LRRC59: variants seen among roughly 807,000 people sequenced by gnomAD.
LRRC59 encodes the protein leucine rich repeat containing 59, also known as leucine-rich repeat-containing protein 59.
A neutral mutation model predicts 33.5 loss-of-function variants in LRRC59; 18 were observed. The ratio of observed to expected loss-of-function variants is 0.54; its 90% CI spans 0.37 to 0.80. LRRC59 has a LOEUF of 0.80. LRRC59 is among the 30% of genes least tolerant of loss of function. The pLI is 0.00. For missense variants in LRRC59, 330 were observed against 391.9 expected (o/e 0.84, Z 1.33); for synonymous variants, 138 against 160.0 (o/e 0.86, Z 1.04).
intron 5 of LRRC59, among the ~76,000 whole-genome samples, chr17:50,386,752 G>A (rs1016285624): frequency 4.6e-5 from 7 of 152,208 alleles, no homozygotes; most frequent in Admixed American, 3.9e-4. Flanking sequence ...CCTGTAATCA[G>A]TACTGTACAC....
chr17:50,393,678 G>T (rs995569374), intron 2 of LRRC59, among the ~76,000 whole-genome samples: 3 of 152,192 alleles, frequency 2.0e-5, no homozygotes, highest in Non-Finnish European at 2.9e-5. Context: ...CTCAGCTAAT[G>T]AGGCACTATT....
chr17:50,390,505 T>A (rs951931797), intron 4 of LRRC59, among the ~76,000 whole-genome samples: 3 of 150,152 alleles, frequency 2.0e-5, no homozygotes, highest in Non-Finnish European at 4.4e-5. Context: ...AAAAAAAAAA[T>A]TAATTATCTG....
intron 4 of LRRC59, 99 bp from the exon 5 acceptor site, chr17:50,388,231 T>G: frequency 9.1e-7 from 1 of 1,103,168 alleles, no homozygotes; most frequent in South Asian, 1.3e-5. Flanking sequence ...ATTATCATGG[T>G]AGCAATGTAG....
chr17:50,392,332 A>C (rs1033417405), intron 4 of LRRC59, 66 bp downstream of exon 4: 3 of 1,353,186 alleles, frequency 2.2e-6, no homozygotes, highest in Non-Finnish European at 2.1e-6. Context: ...CTAGGAGGGA[A>C]AAACAGGAGG....
rs1038139514 is a variant in LRRC59 at position 50,387,107 on chromosome 17, G to GA, written c.502+952dup. Among the ~76,000 whole-genome samples, 14 of 145,212 alleles carry GA rather than the reference G, an allele frequency of 9.6e-5. No individual in the cohort carries two copies. In the Admixed American group the frequency reaches 9.8e-4, roughly 10 times the overall value. On this transcript the variant is annotated intron_variant, in intron 5 of 6. Transcript: ENST00000225972. ...CACTCCAGCCTGGGCAACAGAGCGAGACTCTGTCTCAAAAAATAATTAAAA... is the reference window on the plus strand; with the variant it reads ...CACTCCAGCCTGGGCAACAGAGCGAGAACTCTGTCTCAAAAAATAATTAAAA...
chr17:50,384,296 G>A (rs1002843180), intron 6 of LRRC59, among the ~76,000 whole-genome samples: 7 of 152,000 alleles, frequency 4.6e-5, no homozygotes, highest in African/African-American at 1.7e-4. Context: ...AAGTAGCTGG[G>A]ACCACAGGTG....
chr17:50,386,509 G>T (rs1332751201), intron 5 of LRRC59, among the ~76,000 whole-genome samples: 1 of 152,216 alleles, frequency 6.6e-6, no homozygotes, highest in African/African-American at 2.4e-5. Flanking sequence ...TAATGTAGCT[G>T]AATAGTACTA....
chr17:50,394,650 CAGT>C (rs1338310497), intron 2 of LRRC59, among the ~76,000 whole-genome samples: 1 of 152,138 alleles, frequency 6.6e-6, no homozygotes, highest in Non-Finnish European at 1.5e-5. Flanking sequence ...AAGATGAGCC[CAGT>C]AAGTTACTCA....
chr17:50,390,097 CA>C (rs57027679), intron 4 of LRRC59, among the ~76,000 whole-genome samples: 4,478 of 85,248 alleles, frequency 0.053, 217 homozygotes, highest in African/African-American at 0.18. Flanking sequence ...GACTCTGTCT[CA>C]AAAAAAAAAA....
chr17:50,388,375 C>A (rs1259069969), intron 4 of LRRC59, among the ~76,000 whole-genome samples: 1 of 152,134 alleles, frequency 6.6e-6, no homozygotes, highest in African/African-American at 2.4e-5. Context: ...CCTGTCTCTA[C>A]AGAAAAATGT....
intron 2 of LRRC59, 45 bp downstream of exon 2, chr17:50,394,884 G>T: frequency 3.2e-5 from 42 of 1,300,186 alleles, no homozygotes; most frequent in Non-Finnish European, 4.2e-5. Flanking sequence ...GGAAGGAGAT[G>T]CATCCAAGGC....
chr17:50,389,717 A>G (rs897253946), intron 4 of LRRC59, among the ~76,000 whole-genome samples: 3 of 152,184 alleles, frequency 2.0e-5, no homozygotes, highest in African/African-American at 7.2e-5. Context: ...ATTTCTAGAA[A>G]ACTCCAGACA....
chr17:50,397,076 G>T, intron 1 of LRRC59, 137 bp downstream of exon 1: 2 of 593,636 alleles, frequency 3.4e-6, no homozygotes, highest in Non-Finnish European at 2.8e-6. Context: ...GGCCTCCTAG[G>T]GGACTTAGTC....
intron 5 of LRRC59, 96 bp downstream of exon 5, chr17:50,387,954 AACTGTTCTTC>A: frequency 1.8e-6 from 2 of 1,091,858 alleles, no homozygotes; most frequent in Non-Finnish European, 2.8e-6. Context: ...ACCGCCCACT[AACTGTTCTTC>A]ATGACTACTC....
chr17:50,386,412 G>C (rs1469752519), intron 5 of LRRC59, among the ~76,000 whole-genome samples: 1 of 152,232 alleles, frequency 6.6e-6, no homozygotes, highest in Non-Finnish European at 1.5e-5. Flanking sequence ...TTAGTTATTT[G>C]GAAGTCTGAA....
chr17:50,390,335 T>C (rs553008483), intron 4 of LRRC59, among the ~76,000 whole-genome samples: 1 of 151,558 alleles, frequency 6.6e-6, no homozygotes. Flanking sequence ...CTACTAAAAA[T>C]GCAAAAATTA....
chr17:50,392,883 G>A lies in LRRC59; in HGVS notation c.180C>T (p.Gly60=). The change falls in exon 3 of 7, where the codon GGC becomes GGT. Residue 60 remains glycine (G), a synonymous_variant. Coordinates refer to ENST00000225972, the MANE Select transcript of LRRC59 (RefSeq NM_018509.4). Reference sequence around the variant, plus strand: ...GGTCTAGCTTCACCAGGTGTGTGAGGCCACAGAAATCCGACTAGGATCCAA... The same window carrying A: ...GGTCTAGCTTCACCAGGTGTGTGAGACCACAGAAATCCGACTAGGATCCAA... ...KLTTLPSDFC[G]LTHLVKLDLS... The A allele has an allele frequency of 1.9e-6, 3 of 1,613,372 alleles. No individual in the cohort carries two copies. The highest frequency in any genetic ancestry group is 2.5e-6 in the Non-Finnish European group (3 of 1,179,332).
At chr17:50,393,004 G>C (rs925871925) in intron 2 of LRRC59, 107 bp from the exon 3 acceptor site, 1 of 1,133,836 alleles carries the variant, frequency 8.8e-7, no homozygotes, top group African/African-American at 1.6e-5. Flanking sequence ...AACATTACGA[G>C]ATTTTTTTTC....
Position 50,392,817 on chromosome 17 carries a change from G to A in LRRC59, c.246C>T (p.Gly82=), listed in dbSNP as rs757895023. ...CCAGGTGCTGGAGGTTGACCAGACG[G>A]CCAAAGTCTGCTGGCAGCTGCTGCA... ...NKLQQLPADF[G]RLVNLQHLDL... Residue 82 remains glycine, a synonymous_variant, in exon 3 of 7, where the codon GGC becomes GGT. Transcript: ENST00000225972. 143 of 1,614,012 alleles carry A rather than the reference G, an allele frequency of 8.9e-5. No individual in the cohort carries two copies. Among genetic ancestry groups the A allele is most frequent in the Middle Eastern group, 4.9e-4 (3 of 6,084 alleles).
Sources: allele counts gnomAD v4.1 joint callset (sites outside exome capture counted in the v4.1 genomes callset), GRCh38; gene constraint gnomAD v4.1.1; transcripts MANE v1.5; gene names NCBI Gene and HGNC (gene_info 2026-07-23, HGNC 2026-07-21).